CAMKMT: variants seen among roughly 807,000 people sequenced by gnomAD.
CAMKMT encodes the protein calmodulin-lysine N-methyltransferase, also known as CaM KMT.
A neutral mutation model predicts 48.0 loss-of-function variants in CAMKMT; 53 were observed. The ratio of observed to expected loss-of-function variants is 1.10; its 90% CI spans 0.89 to 1.39. CAMKMT has a LOEUF of 1.39. Ranked by LOEUF, CAMKMT falls within the 40% of genes most tolerant of loss-of-function variation. The pLI, the probability that CAMKMT is intolerant of heterozygous loss-of-function variation, is 0.00. For synonymous variants in CAMKMT, 165 were observed against 152.3 expected (o/e 1.08, Z -0.61); for missense variants, 428 against 402.7 (o/e 1.06, Z -0.54).
intron 3 of CAMKMT, among the ~76,000 whole-genome samples, chr2:44,422,659 A>G (rs917209485): frequency 6.6e-6 from 1 of 151,888 alleles, no homozygotes; most frequent in African/African-American, 2.4e-5. Flanking sequence ...GAATTGGACT[A>G]TCCAAATATA....
chr2:44,758,386 G>A (rs1680470916), intron 9 of CAMKMT, among the ~76,000 whole-genome samples: 1 of 152,146 alleles, frequency 6.6e-6, no homozygotes, highest in African/African-American at 2.4e-5. Context: ...TCAGATCCCA[G>A]GCTGAGCTTA....
intron 3 of CAMKMT, among the ~76,000 whole-genome samples, chr2:44,520,055 C>CAAAA (rs34844162): frequency 7.2e-6 from 1 of 138,524 alleles, no homozygotes; most frequent in Non-Finnish European, 1.5e-5. Flanking sequence ...ACTAAAAATA[C>CAAAA]AAAAAAAAAA....
rs142882741 is a variant in CAMKMT at position 44,427,207 on chromosome 2, C to G, written c.376+36902C>G. On this transcript the variant is annotated intron_variant, in intron 3 of 10. Transcript: ENST00000378494. ...TATAAGATCTCGAACCATAAAAATT[C>G]TAGTAGAAAACCTAGGAAATACTCT... is the stretch of plus-strand genomic sequence containing the variant. Among the ~76,000 whole-genome samples the G allele has an allele frequency of 2.5e-3, 387 of 152,240 alleles. 1 individual carries two copies. The highest frequency in any genetic ancestry group is 8.2e-3 in the African/African-American group (342 of 41,556).
chr2:44,649,264 CT>C (rs987891670), intron 3 of CAMKMT, among the ~76,000 whole-genome samples: 15 of 151,894 alleles, frequency 9.9e-5, no homozygotes, highest in African/African-American at 3.6e-4. Context: ...TTTTCTCATT[CT>C]TTTGTTAATT....
At chr2:44,707,151 G>A (rs934033003) in intron 5 of CAMKMT, among the ~76,000 whole-genome samples, 2 of 151,822 alleles carry the variant, frequency 1.3e-5, no homozygotes, top group African/African-American at 4.8e-5. Context: ...ACCATCATCC[G>A]CTGTCACAAT....
intron 3 of CAMKMT, among the ~76,000 whole-genome samples, chr2:44,514,416 G>C (rs565043915): frequency 6.6e-6 from 1 of 152,286 alleles, no homozygotes; most frequent in African/African-American, 2.4e-5. Context: ...AGAGTGTCTC[G>C]AGTTTGCCCA....
chr2:44,617,022 C>G (rs1671930170), intron 3 of CAMKMT, among the ~76,000 whole-genome samples: 1 of 152,272 alleles, frequency 6.6e-6, no homozygotes, highest in Non-Finnish European at 1.5e-5. Flanking sequence ...ATCCATATCT[C>G]CTTGTCACAT....
intron 3 of CAMKMT, among the ~76,000 whole-genome samples, chr2:44,563,298 T>C (rs1256109046): frequency 1.3e-5 from 2 of 151,704 alleles, no homozygotes; most frequent in Admixed American, 1.3e-4. Context: ...AACCTGACTT[T>C]TTTTACTTCA....
At chr2:44,567,063 T>C (rs557387895) in intron 3 of CAMKMT, among the ~76,000 whole-genome samples, 1 of 152,262 alleles carries the variant, frequency 6.6e-6, no homozygotes, top group African/African-American at 2.4e-5. Context: ...AAGCAAGTTC[T>C]GCTTGTGAGA....
intron 6 of CAMKMT, among the ~76,000 whole-genome samples, chr2:44,712,437 T>C (rs1277494718): frequency 6.6e-6 from 1 of 152,104 alleles, no homozygotes; most frequent in East Asian, 1.9e-4. Context: ...ATAACATGTA[T>C]ATAATTTGTT....
At chr2:44,459,227 A>T in intron 3 of CAMKMT, among the ~76,000 whole-genome samples, 1 of 152,318 alleles carries the variant, frequency 6.6e-6, no homozygotes. Context: ...TAGTTATTGT[A>T]TATTCAAAAC....
intron 9 of CAMKMT, among the ~76,000 whole-genome samples, chr2:44,763,280 C>T (rs149069141): frequency 1.0e-3 from 154 of 152,304 alleles, no homozygotes; most frequent in African/African-American, 3.6e-3. Flanking sequence ...TTCTCTTTCT[C>T]GTGGGTACAG....
intron 3 of CAMKMT, among the ~76,000 whole-genome samples, chr2:44,575,916 A>G (rs1274659548): frequency 6.6e-6 from 1 of 152,162 alleles, no homozygotes; most frequent in Non-Finnish European, 1.5e-5. Context: ...TAAGGTAGCC[A>G]CTAGGCAGTC....
chr2:44,480,188 C>G (rs983847460), intron 3 of CAMKMT, among the ~76,000 whole-genome samples: 2 of 152,110 alleles, frequency 1.3e-5, no homozygotes, highest in Non-Finnish European at 2.9e-5. Context: ...TTGAAACATA[C>G]TGTAGTTTCT....
chr2:44,446,745 G>C (rs1159799454), intron 3 of CAMKMT, among the ~76,000 whole-genome samples: 1 of 152,214 alleles, frequency 6.6e-6, no homozygotes, highest in Non-Finnish European at 1.5e-5. Flanking sequence ...TGCTGCCACA[G>C]GGTTTGTGGT....
At chr2:44,701,379 C>T (rs528201406) in intron 3 of CAMKMT, among the ~76,000 whole-genome samples, 1 of 152,230 alleles carries the variant, frequency 6.6e-6, no homozygotes, top group African/African-American at 2.4e-5. Context: ...ACTGAGATAA[C>T]TTTTAAAAAC....
intron 3 of CAMKMT, among the ~76,000 whole-genome samples, chr2:44,665,573 G>T (rs1382054617): frequency 6.6e-6 from 1 of 152,146 alleles, no homozygotes; most frequent in East Asian, 1.9e-4. Context: ...GAACTTCCTG[G>T]ATGGTTGATC....
intron 3 of CAMKMT, among the ~76,000 whole-genome samples, chr2:44,659,957 A>C (rs1022774581): frequency 2.0e-5 from 3 of 152,134 alleles, no homozygotes; most frequent in Non-Finnish European, 4.4e-5. Context: ...AAATTATTGA[A>C]GACCCAAAGA....
At chr2:44,443,916 C>G (rs1666826454) in intron 3 of CAMKMT, among the ~76,000 whole-genome samples, 1 of 151,966 alleles carries the variant, frequency 6.6e-6, no homozygotes, top group Non-Finnish European at 1.5e-5. Context: ...AATAATGAAA[C>G]AAATAAAGAA....
Sources: allele counts gnomAD v4.1 joint callset (sites outside exome capture counted in the v4.1 genomes callset), GRCh38; gene constraint gnomAD v4.1.1; transcripts MANE v1.5; gene names NCBI Gene and HGNC (gene_info 2026-07-23, HGNC 2026-07-21).